The following SPTBN1 variants were observed in gnomAD, a reference collection of about 807,000 sequenced individuals.
The protein encoded by SPTBN1 is spectrin beta, non-erythrocytic 1.
In SPTBN1, 32 loss-of-function variants were observed where a neutral mutation model predicts 266.4. That is an observed-to-expected ratio of 0.12 (90% CI 0.09 to 0.16). The LOEUF is 0.16. Ranked by LOEUF, SPTBN1 falls within the 10% of genes least tolerant of loss-of-function variation. The pLI is 1.00. For missense variants in SPTBN1, 2,296 were observed against 3,067.1 expected (o/e 0.75, Z 5.94); for synonymous variants, 1,336 against 1,162.2 (o/e 1.15, Z -3.04).
chr2:54,650,314 A>G (rs190437767), intron 26 of SPTBN1, among the ~76,000 whole-genome samples: 1 of 152,376 alleles, frequency 6.6e-6, no homozygotes, highest in East Asian at 1.9e-4. Flanking sequence ...AATTTCCAAA[A>G]TAATATTTTA....
chr2:54,640,189 C>T (rs1157168676), intron 18 of SPTBN1, among the ~76,000 whole-genome samples: 2 of 152,056 alleles, frequency 1.3e-5, no homozygotes, highest in Non-Finnish European at 2.9e-5. Context: ...TTGAGAATGG[C>T]GTTTGTGTGT....
At chr2:54,507,509 C>T (rs1468895712) in intron 1 of SPTBN1, among the ~76,000 whole-genome samples, 1 of 152,078 alleles carries the variant, frequency 6.6e-6, no homozygotes, top group Non-Finnish European at 1.5e-5. Flanking sequence ...TTAGAAGAAA[C>T]ATTTGTCGTA....
intron 1 of SPTBN1, among the ~76,000 whole-genome samples, chr2:54,497,643 T>C (rs1300745960): frequency 1.3e-5 from 2 of 152,182 alleles, no homozygotes; most frequent in African/African-American, 4.8e-5. Context: ...GCAGAAATCG[T>C]AACTCCCCAG....
intron 3 of SPTBN1, among the ~76,000 whole-genome samples, chr2:54,605,522 G>A (rs1573513624): frequency 6.6e-6 from 1 of 152,356 alleles, no homozygotes; most frequent in Middle Eastern, 3.4e-3. Context: ...ACACACAGTA[G>A]TTGCTCAGTA....
chr2:54,649,610 TTC>T lies in SPTBN1; in HGVS notation c.5203-4_5203-3del. On this transcript the variant is annotated splice_polypyrimidine_tract_variant and splice_region_variant and intron_variant, in intron 25 of 35. Transcript: ENST00000356805. This position sits in a 1 kb window ranked among gnomAD's most constrained non-coding sequence, Gnocchi z 6.7. ...CTCTGATTTCCTTACCCATCCCCGT[TTC>T]AGATGTTACAAGAACGATTCCGGGA... 6.2e-7 allele frequency: 1 copy of T among 1,603,892 alleles called. No individual in the cohort carries two copies. Among genetic ancestry groups the T allele is most frequent in the South Asian group, 1.1e-5 (1 of 90,932 alleles).
chr2:54,520,505 A>G (rs1670372853), intron 1 of SPTBN1: 1 of 152,244 alleles, frequency 6.6e-6, no homozygotes, highest in Non-Finnish European at 1.5e-5. Flanking sequence ...TTATTGAAGC[A>G]GAAAATAATA....
rs150730363 is a variant in SPTBN1, at chr2:54,602,514, A to G, written c.300+3271A>G. Among the ~76,000 whole-genome samples, 98 of 152,266 alleles carry G rather than the reference A, an allele frequency of 6.4e-4. 1 individual carries two copies. The highest frequency in any genetic ancestry group is 2.2e-3 in the African/African-American group (92 of 41,548). The stretch of plus-strand genomic sequence containing the variant: ...TCTGCAGTGAAGATTGATTCTCACT[A>G]TGGTGGCCAGTTTTTTGCCTTGCTC... On this transcript the variant is annotated intron_variant, in intron 3 of 35. Transcript: ENST00000356805.
In SPTBN1 at chr2:54,659,182, A is replaced by T. The variant is rs1310257486; in HGVS notation, c.6272A>T (p.Gln2091Leu). The change falls in exon 31 of 36, where the codon CAA (glutamine) becomes CTA (leucine). Residue 2091 changes from glutamine to leucine, a missense_variant. Physicochemically the swap from Gln to Leu is moderately radical, Grantham distance 113. Transcript: ENST00000356805. ...GAGTTACTGGAAGTGCGCAGACAGC[A>T]AGAGGAAGAGGAGAGGAAGAGGCGG... ...TLELLEVRRQQEEEERKRRPP... is the reference protein window; with the variant it reads ...TLELLEVRRQLEEEERKRRPP... 6.2e-7 allele frequency: 1 copy of T among 1,614,040 alleles called. No individual in the cohort carries two copies. The highest frequency in any genetic ancestry group is 8.5e-7 in the Non-Finnish European group (1 of 1,179,956).
At chr2:54,492,878 A>G (rs1291108954) in intron 1 of SPTBN1, among the ~76,000 whole-genome samples, 1 of 152,190 alleles carries the variant, frequency 6.6e-6, no homozygotes, top group Non-Finnish European at 1.5e-5. Context: ...TTACACTCAG[A>G]TCCTTTAAAA....
intron 26 of SPTBN1, among the ~76,000 whole-genome samples, chr2:54,651,374 A>G (rs368572346): frequency 1.8e-5 from 1 of 55,854 alleles, no homozygotes; most frequent in Non-Finnish European, 3.2e-5. Flanking sequence ...CCACTGGGCT[A>G]TGATGTTATA....
chr2:54,640,681 A>G (rs1305065486), intron 18 of SPTBN1, among the ~76,000 whole-genome samples: 2 of 152,180 alleles, frequency 1.3e-5, no homozygotes, highest in African/African-American at 4.8e-5. Context: ...CCTTCCAAGT[A>G]GCTGGGATTC....
intron 1 of SPTBN1, among the ~76,000 whole-genome samples, chr2:54,470,259 G>A (rs554916688): frequency 3.9e-5 from 6 of 152,184 alleles, no homozygotes; most frequent in Middle Eastern, 3.4e-3. Flanking sequence ...TATTTTTTCC[G>A]GCTGTGAAGA....
intron 18 of SPTBN1, among the ~76,000 whole-genome samples, chr2:54,639,291 G>A (rs76173482): frequency 0.012 from 1,761 of 152,356 alleles, 32 homozygotes; most frequent in African/African-American, 0.04. Context: ...TAAAAGGGAT[G>A]AAGAGGTGTT....
At chr2:54,660,264 T>TAA in intron 32 of SPTBN1, 1 of 1,325,204 alleles carries the variant, frequency 7.5e-7, no homozygotes, top group East Asian at 2.7e-5. Flanking sequence ...CCACTTGCCT[T>TAA]AAAGCAGCAT....
chr2:54,563,152 A>G (rs184381375), intron 2 of SPTBN1, among the ~76,000 whole-genome samples: 304 of 152,212 alleles, frequency 2.0e-3, no homozygotes, highest in South Asian at 0.01. Flanking sequence ...TTATATATAT[A>G]TTTTCTTTTA....
At chr2:54,538,658 C>T (rs1390927347) in intron 2 of SPTBN1, among the ~76,000 whole-genome samples, 1 of 152,206 alleles carries the variant, frequency 6.6e-6, no homozygotes, top group Non-Finnish European at 1.5e-5. Context: ...CTCTTTGCTG[C>T]AAGCCTGTGA....
chr2:54,606,438 C>T (rs752936852), intron 3 of SPTBN1, among the ~76,000 whole-genome samples: 2 of 152,176 alleles, frequency 1.3e-5, no homozygotes, highest in African/African-American at 2.4e-5. Flanking sequence ...CTGGACCACT[C>T]ACTATCTCAC....
chr2:54,498,260 G>T (rs778895198), intron 1 of SPTBN1, among the ~76,000 whole-genome samples: 2 of 152,140 alleles, frequency 1.3e-5, no homozygotes, highest in East Asian at 3.8e-4. Flanking sequence ...GGGAATGTTC[G>T]GTAGACTTGC....
rs112221217 is a variant in SPTBN1, at chr2:54,564,332, T to C, written c.149-34760T>C. On this transcript the variant is annotated intron_variant, in intron 2 of 35. Coordinates refer to ENST00000356805, the MANE Select transcript of SPTBN1 (RefSeq NM_003128.3). ...ATCTCCCTGGCTGCTGAGAAAGCTT[T>C]CTGGATGATGGTTCCATGTCATCAC... 3.6e-3 allele frequency among the ~76,000 whole-genome samples: 545 copies of C among 152,296 alleles called. 5 individuals are homozygous for C. The highest frequency in any genetic ancestry group is 0.013 in the African/African-American group (531 of 41,562).
Sources: allele counts gnomAD v4.1 joint callset (sites outside exome capture counted in the v4.1 genomes callset), GRCh38; gene constraint gnomAD v4.1.1; non-coding constraint Gnocchi (gnomAD v3.1); transcripts MANE v1.5; gene names NCBI Gene and HGNC (gene_info 2026-07-23, HGNC 2026-07-21).